Variants in RIN2 observed in about 807,000 individuals in gnomAD.
The protein encoded by RIN2 is Ras and Rab interactor 2.
In RIN2, 36 loss-of-function variants were observed where a neutral mutation model predicts 78.0. The ratio of observed to expected loss-of-function variants is 0.46; its 90% CI spans 0.35 to 0.61. The LOEUF is 0.61. Among genes scored for constraint, RIN2 ranks in the 20% least tolerant of loss-of-function variants. RIN2 has a pLI of 0.00. For synonymous variants in RIN2, 466 were observed against 466.8 expected, an observed-to-expected ratio of 1.00 and a Z score of 0.02; for missense variants, 1,087 against 1,159.7, an observed-to-expected ratio of 0.94 and a Z score of 0.91.
intron 2 of RIN2, among the ~76,000 whole-genome samples, chr20:19,853,194 C>T (rs1490556477): frequency 6.6e-6 from 1 of 152,030 alleles, no homozygotes; most frequent in East Asian, 1.9e-4. Flanking sequence ...CATCCATGTC[C>T]CTACAAAGGA....
chr20:19,909,594 G>A (rs2039373666), intron 3 of RIN2, among the ~76,000 whole-genome samples: 1 of 152,152 alleles, frequency 6.6e-6, no homozygotes, highest in Non-Finnish European at 1.5e-5. Context: ...GATTTGGGTT[G>A]GAGCAGTTGT....
intron 1 of RIN2, among the ~76,000 whole-genome samples, chr20:19,772,846 A>G (rs1460219539): frequency 6.6e-6 from 1 of 152,174 alleles, no homozygotes; most frequent in Non-Finnish European, 1.5e-5. Context: ...AAAGTGGGGA[A>G]GCCACAATTC....
chr20:19,891,793 C>T (rs148092076), intron 3 of RIN2, among the ~76,000 whole-genome samples: 3,974 of 152,104 alleles, frequency 0.026, 104 homozygotes, highest in African/African-American at 0.061. Flanking sequence ...CGCACCACTG[C>T]ACTCCAGCCT....
At chr20:19,769,952 G>A (rs901318852) in intron 1 of RIN2, among the ~76,000 whole-genome samples, 3 of 152,102 alleles carry the variant, frequency 2.0e-5, no homozygotes, top group African/African-American at 4.8e-5. Flanking sequence ...AACCCCAAGA[G>A]CAAAAGAAAA....
At chr20:20,000,563 CT>C (rs756727500) in intron 12 of RIN2, 49 bp from the exon 13 acceptor site, 12 of 1,438,080 alleles carry the variant, frequency 8.3e-6, no homozygotes, top group Non-Finnish European at 1.1e-5. Flanking sequence ...ATCATGCTCA[CT>C]ATCTAGTTTT....
At chr20:19,860,844 T>C (rs2037312463) in intron 2 of RIN2, among the ~76,000 whole-genome samples, 1 of 151,932 alleles carries the variant, frequency 6.6e-6, no homozygotes, top group Non-Finnish European at 1.5e-5. Flanking sequence ...CACCTTTACA[T>C]CCCCATAGTT....
chr20:19,821,271 T>C (rs77398248), intron 2 of RIN2, among the ~76,000 whole-genome samples: 359 of 152,310 alleles, frequency 2.4e-3, no homozygotes, highest in Non-Finnish European at 4.0e-3. Context: ...ATAGCTTTTA[T>C]CTTTCTAGAT....
chr20:19,846,190 A>AC lies in RIN2; in HGVS notation c.-36-43376_-36-43375insC, dbSNP rs1600602632. Reference sequence around the variant, plus strand: ...GCCTCCAGCTTTGTTCTTTTTGCTTAGGATTGTCTTGGCTATACGGGCTCT... The same window carrying AC: ...GCCTCCAGCTTTGTTCTTTTTGCTTACGGATTGTCTTGGCTATACGGGCTCT... On this transcript the variant is annotated intron_variant, in intron 2 of 12. Transcript: ENST00000255006. Among the ~76,000 whole-genome samples the AC allele has an allele frequency of 2.0e-5, 3 of 152,310 alleles. No individual in the cohort carries two copies. The East Asian group carries it at 5.8e-4, about 29-fold the overall frequency.
chr20:19,796,529 TG>T (rs1266092900), intron 1 of RIN2, among the ~76,000 whole-genome samples: 1 of 152,228 alleles, frequency 6.6e-6, no homozygotes, highest in Non-Finnish European at 1.5e-5. Flanking sequence ...TGTTTGTTTC[TG>T]TTTTGTATGC....
At chr20:19,872,265 C>A (rs1326903632) in intron 2 of RIN2, 1 of 152,142 alleles carries the variant, frequency 6.6e-6, no homozygotes, top group Admixed American at 6.5e-5. Flanking sequence ...GTCAATTAAA[C>A]CTCTTTCCTT....
rs913319480 is a variant in RIN2 at position 19,971,011 on chromosome 20, T to C, written c.628+82T>C. The C allele has an allele frequency of 7.7e-6, 8 of 1,032,930 alleles. No homozygotes were observed. In the African/African-American group the frequency reaches 1.3e-4, roughly 16 times the overall value. The allele number at this position is 1,032,930 out of a possible 1,614,324, so 64.0% of individuals were successfully genotyped here. A position where few individuals can be genotyped will look rare whatever the true frequency, so the allele number is the denominator to read the frequency against. On this transcript the variant is annotated intron_variant, in intron 8 of 12. Coordinates refer to ENST00000255006, the MANE Select transcript of RIN2 (RefSeq NM_018993.4). ...AATGGTGGGCTCACTGAGGCTACAT[T>C]GCTCCGTCAATCTCTCCAGCTTCTC...
intron 1 of RIN2, among the ~76,000 whole-genome samples, chr20:19,770,500 G>T (rs570956472): frequency 6.6e-6 from 1 of 152,240 alleles, no homozygotes; most frequent in Admixed American, 6.5e-5. Context: ...CTGCAAATGA[G>T]CATTTCTAAG....
At chr20:19,818,233 C>A (rs1359334810) in intron 2 of RIN2, among the ~76,000 whole-genome samples, 3 of 152,114 alleles carry the variant, frequency 2.0e-5, no homozygotes, top group Admixed American at 2.0e-4. Flanking sequence ...TAGTGCAGCT[C>A]CATTATAATC....
chr20:19,842,411 T>G, intron 2 of RIN2, among the ~76,000 whole-genome samples: 1 of 136,346 alleles, frequency 7.3e-6, no homozygotes, highest in Non-Finnish European at 1.5e-5. Context: ...TTTTTTTTTT[T>G]TTGTATTTTT....
Position 19,954,594 on chromosome 20 carries a change from G to A in RIN2, c.159-2021G>A, listed in dbSNP as rs187101522. ...GACTCCTGGTCCTCTCTGTAAAACCGGGATCATGGTGCCTGTGGTCCAGGG... is the reference window on the plus strand; with the variant it reads ...GACTCCTGGTCCTCTCTGTAAAACCAGGATCATGGTGCCTGTGGTCCAGGG... On this transcript the variant is annotated intron_variant, in intron 4 of 12. Coordinates refer to ENST00000255006, the MANE Select transcript of RIN2 (RefSeq NM_018993.4). Among the ~76,000 whole-genome samples, 7 of 152,278 alleles carry A rather than the reference G, an allele frequency of 4.6e-5. No homozygotes were observed. In the East Asian group the frequency reaches 5.8e-4, roughly 13 times the overall value.
At chr20:19,931,547 A>C (rs985832732) in intron 3 of RIN2, among the ~76,000 whole-genome samples, 1 of 152,234 alleles carries the variant, frequency 6.6e-6, no homozygotes, top group African/African-American at 2.4e-5. Context: ...GTTATGTCAT[A>C]GTTGTACATA....
intron 2 of RIN2, among the ~76,000 whole-genome samples, chr20:19,856,521 A>C (rs1410254277): frequency 2.8e-5 from 4 of 144,730 alleles, no homozygotes; most frequent in African/African-American, 1.0e-4. Flanking sequence ...AGAGAGAGTG[A>C]GACTTTGTCT....
At chr20:19,900,811 G>T (rs902212506) in intron 3 of RIN2, among the ~76,000 whole-genome samples, 1 of 151,376 alleles carries the variant, frequency 6.6e-6, no homozygotes, top group East Asian at 2.0e-4. Flanking sequence ...TGAGCCAGGC[G>T]TGGTGGCGCA....
intron 5 of RIN2, among the ~76,000 whole-genome samples, chr20:19,960,463 C>T (rs2041704350): frequency 2.6e-5 from 4 of 152,250 alleles, no homozygotes; most frequent in Non-Finnish European, 5.9e-5. Context: ...GAGTTCTTAG[C>T]CCCATGGAGA....
Sources: gnomAD v4.1 joint callset for allele counts (sites outside exome capture counted in the v4.1 genomes callset) on GRCh38, gnomAD v4.1.1 for gene constraint, MANE v1.5 for transcripts, NCBI Gene and HGNC (gene_info 2026-07-23, HGNC 2026-07-21) for gene names.